Variants in ALX4 observed in about 807,000 individuals in gnomAD.
ALX4 encodes ALX homeobox 4, also known as homeobox protein aristaless-like 4.
ALX4 carries 22 observed loss-of-function variants against 40.6 expected under a neutral mutation model. The ratio of observed to expected loss-of-function variants is 0.54; its 90% CI spans 0.39 to 0.77. ALX4 has a LOEUF of 0.77. ALX4 is among the 30% of genes least tolerant of loss of function. The pLI is 0.00. For missense variants in ALX4, 556 were observed against 564.8 expected, an observed-to-expected ratio of 0.98 and a Z score of 0.16; for synonymous variants, 266 against 240.5, an observed-to-expected ratio of 1.11 and a Z score of -0.98.
Position 44,262,382 on chromosome 11 carries a change from C to T in ALX4, c.*2472G>A, listed in dbSNP as rs1447697279. 1 of 152,252 alleles carries T rather than the reference C, an allele frequency of 6.6e-6. No homozygotes were observed. The highest frequency in any genetic ancestry group is 2.4e-5 in the African/African-American group (1 of 41,452). 9.4% of individuals were successfully genotyped at this position (152,252 alleles called of 1,614,324 possible). A position where few individuals can be genotyped will look rare whatever the true frequency, so the allele number is the denominator to read the frequency against. ...TTTGACGAGATGAACAGGAATGTTT[C>T]ACATTGGCATGTTTAATCCTAGACA... On this transcript the variant is annotated 3_prime_UTR_variant, in exon 4 of 4. Transcript: ENST00000652299.
Position 44,275,520 on chromosome 11 carries a change from A to G in ALX4, c.605T>C (p.Leu202Ser), listed in dbSNP as rs150424138. Residue 202 changes from leucine (L) to serine (S), a missense_variant, in exon 2 of 4, where the codon TTG becomes TCG. By Grantham distance (145) the Leu-to-Ser change is moderately radical. Transcript: ENST00000652299. Reference sequence around the variant, plus strand: ...GTTGCTCTCTGAGTCGGCCTTCTCCAATGGGCTGGGGAGGTCTGAGCTGGC... The same window carrying G: ...GTTGCTCTCTGAGTCGGCCTTCTCCGATGGGCTGGGGAGGTCTGAGCTGGC... ...DRASSDLPSP[L>S]EKADSESNKG... The G allele has an allele frequency of 6.2e-7, 1 of 1,613,992 alleles. No homozygotes were observed. Among genetic ancestry groups the G allele is most frequent in the Non-Finnish European group, 8.5e-7 (1 of 1,180,002 alleles).
chr11:44,271,829 C>CT (rs1956249150), intron 2 of ALX4, among the ~76,000 whole-genome samples: 1 of 152,136 alleles, frequency 6.6e-6, no homozygotes, highest in South Asian at 2.1e-4. Flanking sequence ...TCTTTCAGTA[C>CT]TTAGTGAATT....
Position 44,265,217 on chromosome 11 carries a change from C to T in ALX4, c.907-34G>A, listed in dbSNP as rs368387718. ...GGAAGGGAGAGATGTCACCGGCTGG[C>T]GGGCAGGTGTGGTGTGGAAGGGGCT... is the stretch of plus-strand genomic sequence containing the variant. On this transcript the variant is annotated intron_variant, in intron 3 of 3. Transcript: ENST00000652299. 1.2e-4 allele frequency: 182 copies of T among 1,562,396 alleles called. No individual in the cohort carries two copies. The African/African-American group carries it at 1.8e-3, about 16-fold the overall frequency.
At chr11:44,296,268 T>G (rs1315689018) in intron 1 of ALX4, among the ~76,000 whole-genome samples, 1 of 152,166 alleles carries the variant, frequency 6.6e-6, no homozygotes, top group Non-Finnish European at 1.5e-5. Flanking sequence ...TAAGGAAGAA[T>G]GAAGTTGGAG....
chr11:44,305,224 A>G (rs1044405000), intron 1 of ALX4, among the ~76,000 whole-genome samples: 1 of 152,228 alleles, frequency 6.6e-6, no homozygotes, highest in African/African-American at 2.4e-5. Flanking sequence ...GCACTTCACT[A>G]TATGTAAATT....
chr11:44,303,357 G>A (rs11037948), intron 1 of ALX4, among the ~76,000 whole-genome samples: 57 of 152,100 alleles, frequency 3.7e-4, no homozygotes, highest in African/African-American at 1.4e-3. Context: ...TTGACCAAGC[G>A]GTCCCGAGTA....
intron 1 of ALX4, among the ~76,000 whole-genome samples, chr11:44,302,514 G>A (rs192411337): frequency 2.0e-5 from 3 of 152,334 alleles, no homozygotes; most frequent in African/African-American, 4.8e-5. Flanking sequence ...GACATAAGCC[G>A]TAACACAGGA....
chr11:44,295,253 T>A (rs1956396607), intron 1 of ALX4, among the ~76,000 whole-genome samples: 1 of 152,122 alleles, frequency 6.6e-6, no homozygotes, highest in African/African-American at 2.4e-5. Flanking sequence ...GGCAAAGAGG[T>A]CAACTAATTT....
chr11:44,292,738 A>T lies in ALX4; in HGVS notation c.466+16859T>A, dbSNP rs73541793. The stretch of plus-strand genomic sequence containing the variant: ...GGGTTCCCAGGATTTTGCCTATCAC[A>T]TATAGTAAGGATAAAATATAAATAA... On this transcript the variant is annotated intron_variant, in intron 1 of 3. Coordinates refer to ENST00000652299, the MANE Select transcript of ALX4 (RefSeq NM_021926.4). Among the ~76,000 whole-genome samples, 778 of 152,264 alleles carry T rather than the reference A, an allele frequency of 5.1e-3. 11 individuals are homozygous for T. Among genetic ancestry groups the T allele is most frequent in the African/African-American group, 0.017 (723 of 41,544 alleles).
At chr11:44,281,315 C>T (rs74235680) in intron 1 of ALX4, among the ~76,000 whole-genome samples, 3,430 of 151,910 alleles carry the variant, frequency 0.023, 254 homozygotes, top group Admixed American at 0.16. Context: ...TGTGGTCAAG[C>T]GCAGGCACAC....
intron 1 of ALX4, among the ~76,000 whole-genome samples, chr11:44,292,219 A>G (rs1345500483): frequency 1.3e-5 from 2 of 151,968 alleles, no homozygotes; most frequent in Non-Finnish European, 2.9e-5. Flanking sequence ...TCAATTAATT[A>G]TAAGATTGCT....
rs1956347446 is a variant in ALX4 at position 44,287,715 on chromosome 11, G to A, written c.467-12057C>T. On this transcript the variant is annotated intron_variant, in intron 1 of 3. Transcript: ENST00000652299. ...CTCCTGGGGTGGATGCTGTGGGTGGGACTGGGACAGGCAGACAGGAGACAG... is the reference window on the plus strand; with the variant it reads ...CTCCTGGGGTGGATGCTGTGGGTGGAACTGGGACAGGCAGACAGGAGACAG... Among the ~76,000 whole-genome samples, 3 of 152,186 alleles carry A rather than the reference G, an allele frequency of 2.0e-5. No individual in the cohort carries two copies. In the South Asian group the frequency reaches 6.2e-4, roughly 32 times the overall value.
chr11:44,275,042 A>G (rs1184280386), intron 2 of ALX4, among the ~76,000 whole-genome samples: 1 of 152,172 alleles, frequency 6.6e-6, no homozygotes, highest in Non-Finnish European at 1.5e-5. Context: ...CAGGACTCTT[A>G]CACTGTGTAA....
At chr11:44,290,525 G>C (rs1392642091) in intron 1 of ALX4, among the ~76,000 whole-genome samples, 1 of 152,250 alleles carries the variant, frequency 6.6e-6, no homozygotes, top group Admixed American at 6.5e-5. Flanking sequence ...GTGGTGACCA[G>C]GGCAGGGGCA....
rs991983881 is a variant in ALX4 at position 44,293,925 on chromosome 11, G to T, written c.466+15672C>A. Among the ~76,000 whole-genome samples the T allele has an allele frequency of 2.0e-5, 3 of 152,272 alleles. No homozygotes were observed. In the East Asian group the frequency reaches 5.8e-4, roughly 29 times the overall value. ...AGGGAGTGGTGTCTGGGCGGTCAGG[G>T]GACATGGTCATCATTTCAGTAGATG... On this transcript the variant is annotated intron_variant, in intron 1 of 3. Transcript: ENST00000652299.
At chr11:44,303,489 C>T (rs959643924) in intron 1 of ALX4, among the ~76,000 whole-genome samples, 1 of 152,170 alleles carries the variant, frequency 6.6e-6, no homozygotes, top group African/African-American at 2.4e-5. Context: ...CGGAGCGCCA[C>T]GGTGACCCTT....
At chr11:44,297,973 T>G (rs994615530) in intron 1 of ALX4, among the ~76,000 whole-genome samples, 9 of 152,322 alleles carry the variant, frequency 5.9e-5, no homozygotes, top group South Asian at 2.1e-4. Context: ...CCCAATCCAT[T>G]CACCTTCCCT....
intron 1 of ALX4, among the ~76,000 whole-genome samples, chr11:44,304,428 G>T (rs1313836370): frequency 6.6e-6 from 1 of 152,098 alleles, no homozygotes; most frequent in Non-Finnish European, 1.5e-5. Context: ...CTTCTCTCCG[G>T]CATACACTCC....
chr11:44,264,566 C>T lies in ALX4; in HGVS notation c.*288G>A. ...GGCGGGAGCAAGAAAGCGCTTTCAG[C>T]TTATCATGGATGCGAAGCTGAAAAA... On this transcript the variant is annotated 3_prime_UTR_variant, in exon 4 of 4. Coordinates refer to ENST00000652299, the MANE Select transcript of ALX4 (RefSeq NM_021926.4). 2 of 541,758 alleles carry T rather than the reference C, an allele frequency of 3.7e-6. No homozygotes were observed. Among genetic ancestry groups the T allele is most frequent in the South Asian group, 4.5e-5 (2 of 44,102 alleles). 33.6% of individuals were successfully genotyped at this position (541,758 alleles called of 1,614,324 possible).
Sources: gnomAD v4.1 joint callset for allele counts (sites outside exome capture counted in the v4.1 genomes callset) on GRCh38, gnomAD v4.1.1 for gene constraint, MANE v1.5 for transcripts, NCBI Gene and HGNC (gene_info 2026-07-23, HGNC 2026-07-21) for gene names.